Variants in ADRA1B observed in about 807,000 individuals in gnomAD.
The protein encoded by ADRA1B is adrenoceptor alpha 1B, also known as alpha-1B adrenergic receptor.
Under a neutral mutation model 17.9 loss-of-function variants are expected in ADRA1B, and 17 were observed. The ratio of observed to expected loss-of-function variants is 0.95; its 90% confidence interval spans 0.65 to 1.42. The LOEUF (loss-of-function observed/expected upper bound fraction) is 1.42, where lower values mean the gene tolerates loss of function less well. Among genes scored for constraint, ADRA1B ranks in the 40% most tolerant of loss-of-function variants. ADRA1B has a pLI of 0.00. For synonymous variants in ADRA1B, 366 were observed against 327.6 expected, an observed-to-expected ratio of 1.12 and a Z score of -1.27; for missense variants, 681 against 722.1, an observed-to-expected ratio of 0.94 and a Z score of 0.65.
chr5:159,972,155 ACAGCGGCAGCTGCCTGAGCGG>A lies in ADRA1B; in HGVS notation c.1231_1251del (p.Gly411_Ser417del), dbSNP rs1310826132. The A allele has an allele frequency of 7.3e-7, 1 of 1,361,002 alleles. No homozygotes were observed. The highest frequency in any genetic ancestry group is 1.5e-5 in the African/African-American group (1 of 65,750). 84.3% of individuals were successfully genotyped at this position (1,361,002 alleles called of 1,614,324 possible). A position where few individuals can be genotyped will look rare whatever the true frequency, so the allele number is the denominator to read the frequency against. ...CAGTCGCGCAAGGACTCGCTGGACG[ACAGCGGCAGCTGCCTGAGCGG>A]CAGCCAGCGGACCCTGCCCTCGGCC... On this transcript the variant is annotated inframe_deletion, in exon 2 of 2. Coordinates refer to ENST00000306675, the MANE Select transcript of ADRA1B (RefSeq NM_000679.4).
chr5:159,958,367 A>G (rs1218393075), intron 1 of ADRA1B, among the ~76,000 whole-genome samples: 3 of 152,126 alleles, frequency 2.0e-5, no homozygotes, highest in African/African-American at 4.8e-5. Context: ...TAAAATTCTC[A>G]TGGATATTTG....
At chr5:159,873,077 C>T (rs1036514485) in intron 1 of ADRA1B, among the ~76,000 whole-genome samples, 3 of 152,132 alleles carry the variant, frequency 2.0e-5, no homozygotes, top group African/African-American at 7.2e-5. Flanking sequence ...TTTCTAGCTT[C>T]ATCCATGTCC....
At chr5:159,986,339 T>C in the ADRA1B span, among the ~76,000 whole-genome samples, 1 of 152,208 alleles carries the variant, frequency 6.6e-6, no homozygotes, top group Non-Finnish European at 1.5e-5. Flanking sequence ...GTGATCCTCC[T>C]GCCTTGGCCT....
intron 1 of ADRA1B, among the ~76,000 whole-genome samples, chr5:159,902,152 A>C (rs1056297828): frequency 6.6e-6 from 1 of 152,234 alleles, no homozygotes; most frequent in Admixed American, 6.5e-5. Context: ...ACAATGGAAT[A>C]TTAGCCTTAA....
chr5:159,957,747 T>A (rs1014590718), intron 1 of ADRA1B, among the ~76,000 whole-genome samples: 1 of 150,696 alleles, frequency 6.6e-6, no homozygotes, highest in Admixed American at 6.6e-5. Flanking sequence ...ACAAGCCTGG[T>A]CAACATGATG....
In ADRA1B at chr5:159,958,575, T is replaced by A. The variant is rs1159476947; in HGVS notation, c.950-13304T>A. ...GATCTGGATATTTTTCTCATGGTTA[T>A]TCTTCCAAATTCCATATTCTTCCAT... On this transcript the variant is annotated intron_variant, in intron 1 of 1. Transcript: ENST00000306675. 2.0e-5 allele frequency among the ~76,000 whole-genome samples: 3 copies of A among 152,208 alleles called. No individual in the cohort carries two copies. The East Asian group carries it at 5.8e-4, about 29-fold the overall frequency.
intron 1 of ADRA1B, among the ~76,000 whole-genome samples, chr5:159,906,770 G>A (rs113697675): frequency 0.013 from 1,937 of 152,290 alleles, 30 homozygotes; most frequent in Non-Finnish European, 0.017. Context: ...GCAACAAAGG[G>A]CCAAACTTTC....
Position 159,971,441 on chromosome 5 carries a change from T to G in ADRA1B, c.950-438T>G, listed in dbSNP as rs567184238. Among the ~76,000 whole-genome samples the G allele has an allele frequency of 2.6e-4, 39 of 152,338 alleles. No homozygotes were observed. The South Asian group carries it at 7.7e-3, about 30-fold the overall frequency. ...TTCACATTTAGGTCTTTAATACACC[T>G]TCTGTTTTCCACGGAAACAAGTCGG... On this transcript the variant is annotated intron_variant, in intron 1 of 1. Transcript: ENST00000306675.
intron 1 of ADRA1B, among the ~76,000 whole-genome samples, chr5:159,940,428 G>A (rs781475163): frequency 5.3e-5 from 8 of 152,000 alleles, no homozygotes; most frequent in East Asian, 1.9e-4. Flanking sequence ...CTGTTAGTTC[G>A]GTTTAGCCAG....
rs757112119 is a variant in ADRA1B at position 159,916,989 on chromosome 5, C to T, written c.84C>T (p.Pro28=). 1 of 1,614,196 alleles carries T rather than the reference C, an allele frequency of 6.2e-7. No individual in the cohort carries two copies. Among genetic ancestry groups the T allele is most frequent in the Non-Finnish European group, 8.5e-7 (1 of 1,180,030 alleles). Residue 28 remains proline (P), a synonymous_variant, in exon 1 of 2, where the codon CCC becomes CCT. Transcript: ENST00000306675. The part of the protein sequence containing the change: ...GELKNANFTG[P]NQTSSNSTLP... ...TGAAAAATGCCAACTTCACTGGCCC[C>T]AACCAGACCTCGAGCAACTCCACAC...
chr5:159,952,925 C>A (rs975424092), intron 1 of ADRA1B, among the ~76,000 whole-genome samples: 1 of 152,218 alleles, frequency 6.6e-6, no homozygotes, highest in Non-Finnish European at 1.5e-5. Context: ...AGCTGAATAA[C>A]CTTCTTACAT....
rs1438486313 is a variant in ADRA1B at position 159,917,400 on chromosome 5, G to A, written c.495G>A (p.Ala165=). The change falls in exon 1 of 2, where the codon GCG becomes GCA. Residue 165 remains alanine (A), a synonymous_variant. Coordinates refer to ENST00000306675, the MANE Select transcript of ADRA1B (RefSeq NM_000679.4). The part of the protein sequence containing the change: ...TLVTRRKAIL[A]LLSVWVLSTV... ...TCACCCGGAGGAAGGCCATCTTGGCGCTGCTCAGTGTCTGGGTCTTGTCCA... is the reference window on the plus strand; with the variant it reads ...TCACCCGGAGGAAGGCCATCTTGGCACTGCTCAGTGTCTGGGTCTTGTCCA... 6 of 1,614,148 alleles carry A rather than the reference G, an allele frequency of 3.7e-6. No individual in the cohort carries two copies. Among genetic ancestry groups the A allele is most frequent in the Middle Eastern group, 1.6e-4 (1 of 6,062 alleles).
chr5:159,976,751 G>A (rs1481028890), downstream of ADRA1B, among the ~76,000 whole-genome samples: 1 of 152,100 alleles, frequency 6.6e-6, no homozygotes, highest in African/African-American at 2.4e-5. Context: ...TAAAAGTTAT[G>A]GAACATTCCA....
chr5:159,887,430 T>C (rs1022439796), intron 1 of ADRA1B, among the ~76,000 whole-genome samples: 2 of 152,228 alleles, frequency 1.3e-5, no homozygotes, highest in Non-Finnish European at 2.9e-5. Flanking sequence ...AGATGGATGT[T>C]GAAAAGACTT....
the ADRA1B span, among the ~76,000 whole-genome samples, chr5:159,983,532 C>T: frequency 7.9e-5 from 12 of 152,298 alleles, no homozygotes; most frequent in African/African-American, 2.4e-4. Flanking sequence ...CAGCCAGACA[C>T]GCTTAAGATA....
chr5:159,984,943 G>A, the ADRA1B span, among the ~76,000 whole-genome samples: 1 of 151,226 alleles, frequency 6.6e-6, no homozygotes, highest in African/African-American at 2.4e-5. Flanking sequence ...ATGAGACTAT[G>A]CCTCTGCTGG....
upstream of ADRA1B, among the ~76,000 whole-genome samples, chr5:159,915,378 A>C (rs982164018): frequency 2.0e-5 from 3 of 152,186 alleles, no homozygotes; most frequent in Non-Finnish European, 4.4e-5. Context: ...TGCAAAAAGA[A>C]CTCAGCACAC....
Position 159,972,040 on chromosome 5 carries a change from GGCCGCC to G in ADRA1B, c.1116_1121del (p.Arg379_Arg380del). ...CCTCGGGTGCCAGTGCCGCGGCCGCGGCCGCCGCCGACGCCGCCGCCGCCGTCGCCT... is the reference window on the plus strand; with the variant it reads ...CCTCGGGTGCCAGTGCCGCGGCCGCGGCCGACGCCGCCGCCGCCGTCGCCT... On this transcript the variant is annotated inframe_deletion, in exon 2 of 2. Coordinates refer to ENST00000306675, the MANE Select transcript of ADRA1B (RefSeq NM_000679.4). 7.3e-7 allele frequency: 1 copy of G among 1,378,408 alleles called. No individual in the cohort carries two copies. The highest frequency in any genetic ancestry group is 9.4e-7 in the Non-Finnish European group (1 of 1,064,636). 85.4% of individuals were successfully genotyped at this position (1,378,408 alleles called of 1,614,324 possible).
At chr5:159,958,235 G>A (rs1755601922) in intron 1 of ADRA1B, among the ~76,000 whole-genome samples, 1 of 152,032 alleles carries the variant, frequency 6.6e-6, no homozygotes. Context: ...TTTAATGTAA[G>A]AAATAAAGTA....
Sources: allele counts gnomAD v4.1 joint callset (sites outside exome capture counted in the v4.1 genomes callset), GRCh38; gene constraint gnomAD v4.1.1; transcripts MANE v1.5; gene names NCBI Gene and HGNC (gene_info 2026-07-23, HGNC 2026-07-21).